The following RBMS3 variants were observed in gnomAD, a reference collection of about 807,000 sequenced individuals.
RBMS3 encodes the protein RNA-binding motif, single-stranded-interacting protein 3.
In RBMS3, 27 loss-of-function variants were observed where a neutral mutation model predicts 66.8. The observed-to-expected ratio is 0.40, with a 90% CI of 0.30 to 0.56. The LOEUF is 0.56. RBMS3 is among the 20% of genes least tolerant of loss of function. The probability of loss-of-function intolerance (pLI) is 0.40; values close to 1 mark genes in which losing one functional copy is unlikely to be tolerated. For missense variants in RBMS3, 513 were observed against 549.5 expected, an observed-to-expected ratio of 0.93 and a Z score of 0.66; for synonymous variants, 188 against 183.0, an observed-to-expected ratio of 1.03 and a Z score of -0.22.
chr3:29,402,723 AGAACT>A (rs1458541263), intron 1 of RBMS3, among the ~76,000 whole-genome samples: 1 of 152,078 alleles, frequency 6.6e-6, no homozygotes, highest in African/African-American at 2.4e-5. Flanking sequence ...TGATTGATAT[AGAACT>A]AGTATTAAAT....
chr3:29,349,384 C>T, intron 1 of RBMS3, among the ~76,000 whole-genome samples: 1 of 152,204 alleles, frequency 6.6e-6, no homozygotes, highest in Non-Finnish European at 1.5e-5. Flanking sequence ...TACAGCTGCA[C>T]CTTTCTACTT....
chr3:29,410,060 C>T (rs939875254), intron 1 of RBMS3, among the ~76,000 whole-genome samples: 1 of 151,974 alleles, frequency 6.6e-6, no homozygotes, highest in Non-Finnish European at 1.5e-5. Context: ...TTTCAACATT[C>T]AAATGTTTGA....
intron 4 of RBMS3, among the ~76,000 whole-genome samples, chr3:29,661,982 C>T (rs2050571336): frequency 6.6e-6 from 1 of 152,220 alleles, no homozygotes; most frequent in Admixed American, 6.5e-5. Flanking sequence ...TGTGCATCCT[C>T]AGTGCACACG....
chr3:29,917,267 G>C (rs1577139724), intron 10 of RBMS3, among the ~76,000 whole-genome samples: 1 of 152,014 alleles, frequency 6.6e-6, no homozygotes, highest in South Asian at 2.1e-4. Flanking sequence ...ATAGCAAGCA[G>C]GTGTAATTTG....
At chr3:29,931,851 AC>A (rs1445456918) in intron 10 of RBMS3, among the ~76,000 whole-genome samples, 14 of 152,312 alleles carry the variant, frequency 9.2e-5, no homozygotes, top group African/African-American at 3.1e-4. Flanking sequence ...CAAAAATCAG[AC>A]ATGAATAAAA....
intron 4 of RBMS3, among the ~76,000 whole-genome samples, chr3:29,600,752 AT>A (rs774316861): frequency 6.6e-6 from 1 of 152,074 alleles, no homozygotes; most frequent in Non-Finnish European, 1.5e-5. Flanking sequence ...CTTAAATAGC[AT>A]TTTTTGAAAG....
At chr3:29,556,880 T>C (rs1368201650) in intron 3 of RBMS3, among the ~76,000 whole-genome samples, 3 of 152,150 alleles carry the variant, frequency 2.0e-5, no homozygotes, top group African/African-American at 7.2e-5. Flanking sequence ...GACTGTCTAT[T>C]GCCTGAATAT....
chr3:29,359,390 A>T (rs1388265358), intron 1 of RBMS3, among the ~76,000 whole-genome samples: 5 of 152,156 alleles, frequency 3.3e-5, no homozygotes, highest in Admixed American at 6.6e-5. Context: ...CATCCCAGGG[A>T]TGAAGCCCAC....
intron 1 of RBMS3, among the ~76,000 whole-genome samples, chr3:29,289,824 AG>A (rs1293178258): frequency 6.6e-6 from 1 of 151,810 alleles, no homozygotes; most frequent in Admixed American, 6.6e-5. Flanking sequence ...TTATATTGTG[AG>A]GTTAAGAAAT....
chr3:29,532,941 A>G (rs1435453085), intron 3 of RBMS3, among the ~76,000 whole-genome samples: 2 of 152,200 alleles, frequency 1.3e-5, no homozygotes, highest in African/African-American at 4.8e-5. Context: ...CTATATAAGT[A>G]GTATTACTTC....
chr3:29,508,886 G>A lies in RBMS3; in HGVS notation c.307+20387G>A, dbSNP rs6794855. Among the ~76,000 whole-genome samples, 662 of 151,138 alleles carry A rather than the reference G, an allele frequency of 4.4e-3. 18 individuals are homozygous for A. The highest frequency in any genetic ancestry group is 0.015 in the African/African-American group (608 of 41,140). On this transcript the variant is annotated intron_variant, in intron 3 of 14. Transcript: ENST00000383767. ...GTTGTTTCCTGACTTTTTAATGATC[G>A]CCATTCTAACTGGCGCGAGATGGTA...
chr3:29,460,460 T>G (rs1352110145), intron 2 of RBMS3, among the ~76,000 whole-genome samples: 2 of 152,160 alleles, frequency 1.3e-5, no homozygotes, highest in Non-Finnish European at 2.9e-5. Flanking sequence ...TCACAAGAGA[T>G]AATATAAAGT....
intron 12 of RBMS3, among the ~76,000 whole-genome samples, chr3:29,951,587 A>C (rs1192120262): frequency 6.6e-6 from 1 of 151,756 alleles, no homozygotes; most frequent in African/African-American, 2.4e-5. Flanking sequence ...TAAATAATTG[A>C]AGCTTCCTTT....
intron 3 of RBMS3, among the ~76,000 whole-genome samples, chr3:29,540,132 T>C (rs1443877276): frequency 1.4e-4 from 22 of 152,202 alleles, no homozygotes; most frequent in Admixed American, 1.4e-3. Flanking sequence ...TTAACTACCA[T>C]GCACTTAAGT....
intron 6 of RBMS3, among the ~76,000 whole-genome samples, chr3:29,793,887 G>A (rs2057093318): frequency 2.0e-5 from 3 of 152,196 alleles, no homozygotes; most frequent in Admixed American, 2.0e-4. Flanking sequence ...TTGGGTCATG[G>A]AAGTGGCTCT....
At chr3:29,450,364 GT>G (rs1217965244) in intron 2 of RBMS3, among the ~76,000 whole-genome samples, 1 of 152,160 alleles carries the variant, frequency 6.6e-6, no homozygotes, top group African/African-American at 2.4e-5. Flanking sequence ...TTGCCCCAAT[GT>G]TTTTATGGCC....
intron 3 of RBMS3, among the ~76,000 whole-genome samples, chr3:29,565,840 G>T (rs945538820): frequency 1.3e-5 from 2 of 152,018 alleles, no homozygotes; most frequent in Non-Finnish European, 2.9e-5. Context: ...TAAATGTTTT[G>T]CCCTTTTGTG....
At chr3:29,800,274 T>C (rs994249485) in intron 6 of RBMS3, among the ~76,000 whole-genome samples, 1 of 152,060 alleles carries the variant, frequency 6.6e-6, no homozygotes. Flanking sequence ...TTTATGGTTA[T>C]GTCTTAAGTC....
chr3:29,406,945 AG>A (rs915574879), intron 1 of RBMS3, among the ~76,000 whole-genome samples: 1 of 152,174 alleles, frequency 6.6e-6, no homozygotes, highest in African/African-American at 2.4e-5. Flanking sequence ...TCTTTGGCCA[AG>A]GAAGAAATGA....
Sources: allele counts gnomAD v4.1 joint callset (sites outside exome capture counted in the v4.1 genomes callset), GRCh38; gene constraint gnomAD v4.1.1; transcripts MANE v1.5; gene names NCBI Gene and HGNC (gene_info 2026-07-23, HGNC 2026-07-21).